The following RFX7 variants were observed in gnomAD, a reference collection of about 807,000 sequenced individuals.
RFX7 encodes regulatory factor X7.
In RFX7, 26 loss-of-function variants were observed where a neutral mutation model predicts 111.8. The observed-to-expected ratio is 0.23, with a 90% confidence interval of 0.17 to 0.32. The LOEUF is 0.32. Ranked by LOEUF, RFX7 falls within the 10% of genes least tolerant of loss-of-function variation. The probability of loss-of-function intolerance (pLI) is 1.00; values close to 1 mark genes in which losing one functional copy is unlikely to be tolerated. For synonymous variants in RFX7, 624 were observed against 624.4 expected (o/e 1.00, Z 0.01); for missense variants, 1,573 against 1,772.9 (o/e 0.89, Z 2.02).
intron 2 of RFX7, 43 bp from the exon 3 acceptor site, chr15:56,179,346 TTA>T (rs1305357434): frequency 1.1e-6 from 1 of 950,268 alleles, no homozygotes; most frequent in Non-Finnish European, 1.5e-6. Context: ...GAAAAGTTTA[TTA>T]ACTATCTGCA....
chr15:56,229,148 T>G (rs1265405525), intron 2 of RFX7, among the ~76,000 whole-genome samples: 1 of 152,184 alleles, frequency 6.6e-6, no homozygotes, highest in Non-Finnish European at 1.5e-5. Flanking sequence ...CCATTTAATA[T>G]TTTTGGTCTG....
chr15:56,098,996 A>G (rs2041718759), intron 8 of RFX7, among the ~76,000 whole-genome samples: 1 of 152,240 alleles, frequency 6.6e-6, no homozygotes, highest in South Asian at 2.1e-4. Flanking sequence ...ACAAGACTAA[A>G]GTTAAGATAT....
chr15:56,236,343 GT>G (rs2043623413), intron 2 of RFX7, among the ~76,000 whole-genome samples: 1 of 152,120 alleles, frequency 6.6e-6, no homozygotes, highest in African/African-American at 2.4e-5. Flanking sequence ...AGGCCTTAGT[GT>G]TTATTGTTCC....
intron 2 of RFX7, among the ~76,000 whole-genome samples, chr15:56,221,281 T>C (rs1457651556): frequency 1.3e-5 from 2 of 152,198 alleles, no homozygotes; most frequent in Non-Finnish European, 2.9e-5. Context: ...TATGGCCTTT[T>C]AAAAAACATT....
chr15:56,095,754 T>C lies in RFX7; in HGVS notation c.1974A>G (p.Lys658=), dbSNP rs752943461. The change falls in exon 10 of 10, where the codon AAA becomes AAG. Residue 658 remains lysine (K), a synonymous_variant. Transcript: ENST00000559447. The part of the protein sequence containing the change: ...DPKLCTKSPR[K]RLSSTLQETQ... ...TCTCCTGCAATGTAGAAGACAGTCG[T>C]TTTCTTGGGCTTTTAGTGCATAATT... 6.2e-7 allele frequency: 1 copy of C among 1,613,922 alleles called. No individual in the cohort carries two copies. Among genetic ancestry groups the C allele is most frequent in the Admixed American group, 1.7e-5 (1 of 60,022 alleles).
chr15:56,222,938 GTTATTTAC>G (rs1382585513), intron 2 of RFX7, among the ~76,000 whole-genome samples: 8 of 152,130 alleles, frequency 5.3e-5, no homozygotes, highest in Non-Finnish European at 8.8e-5. Context: ...TTTGCATGAA[GTTATTTAC>G]TGGCAGTTTA....
chr15:56,158,874 G>T (rs1359089424), intron 3 of RFX7, among the ~76,000 whole-genome samples: 1 of 152,064 alleles, frequency 6.6e-6, no homozygotes, highest in Admixed American at 6.6e-5. Context: ...TCACAATTCT[G>T]AAATATACAA....
intron 2 of RFX7, among the ~76,000 whole-genome samples, chr15:56,203,115 A>G (rs1417965286): frequency 1.1e-4 from 17 of 152,212 alleles, no homozygotes; most frequent in African/African-American, 2.2e-4. Flanking sequence ...GCATTTATGT[A>G]TTACAGTCAG....
intron 3 of RFX7, among the ~76,000 whole-genome samples, chr15:56,148,897 C>A (rs564782840): frequency 2.0e-5 from 3 of 151,972 alleles, no homozygotes; most frequent in Non-Finnish European, 4.4e-5. Context: ...CTGGCTAACA[C>A]GGTGAAACCC....
chr15:56,151,835 C>A (rs566586542), intron 3 of RFX7, among the ~76,000 whole-genome samples: 2 of 152,212 alleles, frequency 1.3e-5, no homozygotes, highest in East Asian at 3.9e-4. Context: ...CAAAGACACA[C>A]ATAGGCTCAA....
upstream of RFX7, chr15:56,244,037 G>T (rs1448638831): frequency 1.1e-4 from 17 of 151,086 alleles, no homozygotes; most frequent in African/African-American, 4.1e-4. Context: ...CTGGGGGCCG[G>T]GAGGAGTCCG....
At chr15:56,198,619 A>G (rs1215077172) in intron 2 of RFX7, among the ~76,000 whole-genome samples, 4 of 152,250 alleles carry the variant, frequency 2.6e-5, no homozygotes, top group East Asian at 1.9e-4. Context: ...CAAATAAAAA[A>G]CTTCAAGAAA....
At chr15:56,117,108 C>A (rs2042018996) in intron 5 of RFX7, among the ~76,000 whole-genome samples, 1 of 151,998 alleles carries the variant, frequency 6.6e-6, no homozygotes, top group African/African-American at 2.4e-5. Flanking sequence ...CGAGGGTATT[C>A]CTTTTGTAAA....
intron 2 of RFX7, among the ~76,000 whole-genome samples, chr15:56,189,101 G>T (rs935925474): frequency 6.6e-6 from 1 of 152,192 alleles, no homozygotes; most frequent in African/African-American, 2.4e-5. Flanking sequence ...TTACAAGCGT[G>T]AGGCACTGCG....
chr15:56,200,142 G>A (rs1282662312), intron 2 of RFX7, among the ~76,000 whole-genome samples: 1 of 152,088 alleles, frequency 6.6e-6, no homozygotes, highest in Non-Finnish European at 1.5e-5. Context: ...GCCCTCTAGT[G>A]CTGAACCTTC....
chr15:56,093,860 A>G lies in RFX7; in HGVS notation c.3868T>C (p.Ser1290Pro). The G allele has an allele frequency of 6.2e-7, 1 of 1,613,960 alleles. No individual in the cohort carries two copies. Among genetic ancestry groups the G allele is most frequent in the South Asian group, 1.1e-5 (1 of 91,074 alleles). ...RMNLTQILEPSTVFPSANPQN... is the reference protein window; with the variant it reads ...RMNLTQILEPPTVFPSANPQN... ...GGGTTGGCACTAGGAAAAACAGTGG[A>G]AGGTTCCAAAATCTGAGTGAGATTC... The change falls in exon 10 of 10, where the codon TCC becomes CCC. Residue 1290 changes from serine (S) to proline (P), a missense_variant. Around this residue, in one of 7 missense-constraint regions of RFX7, gnomAD observed 411 missense variants for 478.1 expected, o/e 0.86. Coordinates refer to ENST00000559447, the MANE Select transcript of RFX7 (RefSeq NM_022841.7).
chr15:56,087,608 T>C lies in RFX7; in HGVS notation c.*5737A>G. The C allele has an allele frequency of 4.4e-6, 2 of 455,508 alleles. 1 individual carries two copies. The highest frequency in any genetic ancestry group is 6.5e-4 in the Middle Eastern group (2 of 3,068). 28.2% of individuals were successfully genotyped at this position (455,508 alleles called of 1,614,324 possible). A position where few individuals can be genotyped will look rare whatever the true frequency, so the allele number is the denominator to read the frequency against. On this transcript the variant is annotated 3_prime_UTR_variant, in exon 10 of 10. Coordinates refer to ENST00000559447, the MANE Select transcript of RFX7 (RefSeq NM_022841.7). ...AAGGGAAGTTGGCAGATGCAGCCTT[T>C]TGGTCAGATGGCTGTGTGCTCAGCT...
At chr15:56,167,125 T>C (rs2042792229) in intron 3 of RFX7, among the ~76,000 whole-genome samples, 1 of 152,002 alleles carries the variant, frequency 6.6e-6, no homozygotes, top group South Asian at 2.1e-4. Flanking sequence ...GGCAACATAA[T>C]GAAACCTCAT....
At chr15:56,125,696 G>C (rs1482303340) in intron 5 of RFX7, among the ~76,000 whole-genome samples, 1 of 151,094 alleles carries the variant, frequency 6.6e-6, no homozygotes, top group Non-Finnish European at 1.5e-5. Flanking sequence ...TTTTCAGCTA[G>C]TTCATATATA....
Sources: allele counts gnomAD v4.1 joint callset (sites outside exome capture counted in the v4.1 genomes callset), GRCh38; gene constraint gnomAD v4.1.1; regional missense constraint gnomAD v4.1.1; transcripts MANE v1.5; gene names NCBI Gene and HGNC (gene_info 2026-07-23, HGNC 2026-07-21).